Variants in LRRC7 observed in about 807,000 individuals in gnomAD.
The protein encoded by LRRC7 is leucine rich repeat containing 7.
Under a neutral mutation model 175.7 loss-of-function variants are expected in LRRC7, and 23 were observed. The ratio of observed to expected loss-of-function variants is 0.13; its 90% CI spans 0.09 to 0.19. The LOEUF (loss-of-function observed/expected upper bound fraction) is 0.19. LRRC7 is among the 10% of genes least tolerant of loss of function. LRRC7 has a pLI of 1.00. For synonymous variants in LRRC7, 685 were observed against 680.9 expected, an observed-to-expected ratio of 1.01 and a Z score of -0.09; for missense variants, 1,354 against 1,904.7, an observed-to-expected ratio of 0.71 and a Z score of 5.38.
intron 3 of LRRC7, among the ~76,000 whole-genome samples, chr1:69,783,471 T>C (rs1285340178): frequency 6.6e-6 from 1 of 152,008 alleles, no homozygotes; most frequent in Non-Finnish European, 1.5e-5. Flanking sequence ...AAAATGATCC[T>C]GGAGGCCGGG....
chr1:69,908,573 T>C (rs1646405231), intron 7 of LRRC7, among the ~76,000 whole-genome samples: 1 of 152,172 alleles, frequency 6.6e-6, no homozygotes, highest in African/African-American at 2.4e-5. Context: ...TTGAGCGGTT[T>C]TGAGTGAGTT....
At chr1:69,627,955 T>C (rs1022714532) in intron 1 of LRRC7, among the ~76,000 whole-genome samples, 29 of 152,064 alleles carry the variant, frequency 1.9e-4, no homozygotes, top group African/African-American at 5.8e-4. Flanking sequence ...CAGTTTACTT[T>C]TGTTAGCTTT....
intron 2 of LRRC7, among the ~76,000 whole-genome samples, chr1:69,717,841 A>AGAAAAAAGAAAGAAAGGAAAG (rs754934916): frequency 5.2e-5 from 1 of 19,334 alleles, no homozygotes; most frequent in African/African-American, 4.3e-4. Context: ...AAAGAAAGAA[A>AGAAAAAAGAAAGAAAGGAAAG]AAAGAAAGAA....
intron 13 of LRRC7, among the ~76,000 whole-genome samples, chr1:70,013,678 T>C (rs1341095812): frequency 6.6e-6 from 1 of 151,968 alleles, no homozygotes. Flanking sequence ...AATTCATCTT[T>C]GTTTCCACCT....
Position 70,118,139 on chromosome 1 carries a change from T to C in LRRC7, c.4621-3641T>C, listed in dbSNP as rs116448955. Among the ~76,000 whole-genome samples, 918 of 151,960 alleles carry C rather than the reference T, an allele frequency of 6.0e-3. 14 individuals are homozygous for C. Among genetic ancestry groups the C allele is most frequent in the African/African-American group, 0.021 (891 of 41,444 alleles). The stretch of plus-strand genomic sequence containing the variant: ...ACTCCATTAGTTGGAATATTGTGAT[T>C]CTTCTGGTCTTTATTTTAACTGGAG... On this transcript the variant is annotated intron_variant, in intron 26 of 26. Coordinates refer to ENST00000651989, the MANE Select transcript of LRRC7 (RefSeq NM_001370785.2).
chr1:69,627,620 T>C (rs1479322092), intron 1 of LRRC7, among the ~76,000 whole-genome samples: 1 of 152,120 alleles, frequency 6.6e-6, no homozygotes, highest in African/African-American at 2.4e-5. Flanking sequence ...TGCCATTGAT[T>C]TTGGTGTTTT....
chr1:69,596,933 A>G (rs1026866403), intron 1 of LRRC7, among the ~76,000 whole-genome samples: 1 of 152,234 alleles, frequency 6.6e-6, no homozygotes. Flanking sequence ...AATGAGAACA[A>G]TCTGGTGTCA....
At chr1:69,693,525 T>C (rs1662172414) in intron 2 of LRRC7, among the ~76,000 whole-genome samples, 1 of 152,192 alleles carries the variant, frequency 6.6e-6, no homozygotes, top group African/African-American at 2.4e-5. Context: ...CTAGCAGAAA[T>C]ACTTTCTATA....
intron 23 of LRRC7, among the ~76,000 whole-genome samples, chr1:70,066,663 C>T (rs896394950): frequency 2.0e-5 from 3 of 152,044 alleles, no homozygotes; most frequent in African/African-American, 7.2e-5. Flanking sequence ...CCATCTATGG[C>T]TACTATGAAG....
intron 17 of LRRC7, among the ~76,000 whole-genome samples, chr1:70,026,775 T>C (rs1052916536): frequency 2.0e-5 from 3 of 152,130 alleles, no homozygotes; most frequent in Non-Finnish European, 2.9e-5. Context: ...ACTGGAATAA[T>C]AATTTTATAT....
rs560197415 is a variant in LRRC7 at position 70,070,859 on chromosome 1, T to C, written c.4231-5218T>C. ...AAGGTAAACGGTGCTTCATTACTGC[T>C]GGGTAGGACTGGAAGTCCAAGCTCC... On this transcript the variant is annotated intron_variant, in intron 23 of 26. Transcript: ENST00000651989. 2.6e-5 allele frequency among the ~76,000 whole-genome samples: 4 copies of C among 152,312 alleles called. No homozygotes were observed. The East Asian group carries it at 7.7e-4, about 29-fold the overall frequency.
intron 7 of LRRC7, among the ~76,000 whole-genome samples, chr1:69,854,600 G>A (rs1398931980): frequency 6.6e-6 from 1 of 152,048 alleles, no homozygotes; most frequent in East Asian, 1.9e-4. Flanking sequence ...CTTGATCCAA[G>A]GGGAATCCAG....
intron 22 of LRRC7, among the ~76,000 whole-genome samples, chr1:70,050,257 T>A (rs767089734): frequency 1.3e-5 from 2 of 152,104 alleles, no homozygotes; most frequent in African/African-American, 2.4e-5. Flanking sequence ...TAGACACTTG[T>A]GATCATTCAT....
chr1:69,889,563 A>G (rs1645768631), intron 7 of LRRC7, among the ~76,000 whole-genome samples: 1 of 152,164 alleles, frequency 6.6e-6, no homozygotes, highest in Admixed American at 6.5e-5. Flanking sequence ...TCCCAGCACT[A>G]TGGGAGGCTA....
intron 2 of LRRC7, among the ~76,000 whole-genome samples, chr1:69,678,879 AT>A (rs1208026397): frequency 6.6e-6 from 1 of 151,810 alleles, no homozygotes; most frequent in Non-Finnish European, 1.5e-5. Flanking sequence ...CTCTTTTAAC[AT>A]TTTTTTTAAC....
At chr1:70,000,145 T>C (rs1655392085) in intron 11 of LRRC7, among the ~76,000 whole-genome samples, 1 of 152,192 alleles carries the variant, frequency 6.6e-6, no homozygotes. Flanking sequence ...AAAAAATTCA[T>C]GCTACAAAGT....
At chr1:70,043,868 G>A in intron 21 of LRRC7, 86 bp from the exon 22 acceptor site, 1 of 1,452,852 alleles carries the variant, frequency 6.9e-7, no homozygotes, top group Non-Finnish European at 9.3e-7. Flanking sequence ...AAAGTTAAAT[G>A]TTATAAATTT....
chr1:70,065,745 G>A (rs1435753694), intron 23 of LRRC7, among the ~76,000 whole-genome samples: 1 of 151,954 alleles, frequency 6.6e-6, no homozygotes, highest in East Asian at 1.9e-4. Context: ...AGAGTAAGTA[G>A]TATCATCTTG....
At chr1:69,750,045 G>A (rs1426819973) in intron 2 of LRRC7, among the ~76,000 whole-genome samples, 1 of 119,668 alleles carries the variant, frequency 8.4e-6, no homozygotes, top group African/African-American at 3.1e-5. Context: ...TGGCGACAGA[G>A]CAAGACTATG....
Sources: allele counts gnomAD v4.1 joint callset (sites outside exome capture counted in the v4.1 genomes callset), GRCh38; gene constraint gnomAD v4.1.1; transcripts MANE v1.5; gene names NCBI Gene and HGNC (gene_info 2026-07-23, HGNC 2026-07-21).